HOXD11: variants seen among roughly 807,000 people sequenced by gnomAD.
HOXD11 encodes homeobox protein Hox-D11.
HOXD11 carries 16 observed loss-of-function variants against 23.1 expected under a neutral mutation model. The observed-to-expected ratio is 0.69, with a 90% confidence interval of 0.47 to 1.05. The LOEUF (loss-of-function observed/expected upper bound fraction) is 1.05, where lower values mean the gene tolerates loss of function less well. HOXD11 is among the 50% of genes least tolerant of loss of function. HOXD11 has a pLI of 0.00. For synonymous variants in HOXD11, 262 were observed against 224.4 expected, an observed-to-expected ratio of 1.17 and a Z score of -1.50; for missense variants, 564 against 495.6, an observed-to-expected ratio of 1.14 and a Z score of -1.31.
Position 176,108,054 on chromosome 2 carries a change from GC to G in HOXD11, c.702del (p.Lys235ArgfsTer57). On this transcript the variant is annotated frameshift_variant, in exon 1 of 2. Coordinates refer to ENST00000249504, the MANE Select transcript of HOXD11 (RefSeq NM_021192.3). LOFTEE classifies it high-confidence loss of function. ...GCACCAAGGCGACCCCTGGCTCGGAGCCCAAGGGGGCAGCAGAAGGCAGCGG... is the reference window on the plus strand; with the variant it reads ...GCACCAAGGCGACCCCTGGCTCGGAGCCAAGGGGGCAGCAGAAGGCAGCGG... The part of the protein sequence containing the change: ...PCTKATPGSE[P>X]KGAAEGSGGD... The G allele has an allele frequency of 6.7e-7, 1 of 1,489,052 alleles. No individual in the cohort carries two copies. The highest frequency in any genetic ancestry group is 8.9e-7 in the Non-Finnish European group (1 of 1,125,670). The allele number at this position is 1,489,052 out of a possible 1,614,324, so 92.2% of individuals were successfully genotyped here.
downstream of HOXD11, among the ~76,000 whole-genome samples, chr2:176,113,312 A>G (rs1689702539): frequency 6.6e-6 from 1 of 152,240 alleles, no homozygotes; most frequent in Non-Finnish European, 1.5e-5. Context: ...CCAGGAGACA[A>G]GAGTGCAGAT....
At position 176,108,977 on chromosome 2, in the gene HOXD11, GT is replaced by G; in HGVS notation, c.857del (p.Phe286SerfsTer6). 1 of 1,614,130 alleles carries G rather than the reference GT, an allele frequency of 6.2e-7. No individual in the cohort carries two copies. The highest frequency in any genetic ancestry group is 8.5e-7 in the Non-Finnish European group (1 of 1,180,012). ...ACCAGATCCGCGAACTGGAACGCGA[GT>G]TTTTCTTTAACGTGTACATAAACAA... is the stretch of plus-strand genomic sequence containing the variant. ...KYQIRELERE[F>X]FFNVYINKEK... On this transcript the variant is annotated frameshift_variant, in exon 2 of 2. Transcript: ENST00000249504. LOFTEE classifies it high-confidence loss of function.
chr2:176,110,937 C>T (rs901087396), downstream of HOXD11, among the ~76,000 whole-genome samples: 1 of 152,152 alleles, frequency 6.6e-6, no homozygotes, highest in Non-Finnish European at 1.5e-5. Flanking sequence ...AGAATTCTGG[C>T]GGGGGGTCTT....
At chr2:176,114,351 C>T (rs1417805274), downstream of HOXD11, among the ~76,000 whole-genome samples, 1 of 152,122 alleles carries the variant, frequency 6.6e-6, no homozygotes, top group Non-Finnish European at 1.5e-5. Context: ...TCCGGCCATC[C>T]TCAACCCCCA....
intron 1 of HOXD11, 181 bp from the exon 2 acceptor site, chr2:176,108,726 C>T (rs1240375451): frequency 1.0e-5 from 6 of 600,130 alleles, no homozygotes; most frequent in South Asian, 2.0e-5. Context: ...TCCACGCCCG[C>T]ACTCTCTCCT....
rs1162827332 is a variant in HOXD11, at chr2:176,107,560, G to C, written c.205G>C (p.Glu69Gln). ...REVAFRDYGL[E>Q]RAKWPYRGGG... ...AGTGGCCTTCCGCGACTACGGCCTG[G>C]AGCGCGCCAAGTGGCCGTACCGCGG... The change falls in exon 1 of 2, where the codon GAG becomes CAG. Residue 69 changes from glutamate (E) to glutamine (Q), a missense_variant. Coordinates refer to ENST00000249504, the MANE Select transcript of HOXD11 (RefSeq NM_021192.3). The C allele has an allele frequency of 3.1e-6, 5 of 1,591,922 alleles. No homozygotes were observed. The highest frequency in any genetic ancestry group is 4.3e-6 in the Non-Finnish European group (5 of 1,169,830).
downstream of HOXD11, among the ~76,000 whole-genome samples, chr2:176,114,530 C>CAAT (rs748328462): frequency 1.8e-3 from 278 of 152,094 alleles, 4 homozygotes; most frequent in East Asian, 9.7e-4. Flanking sequence ...ATTGCCACCG[C>CAAT]GGAGTTTTTT....
chr2:176,108,659 CTGTGTG>C (rs56323681), intron 1 of HOXD11: 4,098 of 325,900 alleles, frequency 0.013, 55 homozygotes, highest in African/African-American at 0.044. Flanking sequence ...GTGCCAGGCT[CTGTGTG>C]TGTGTGTGTG....
downstream of HOXD11, among the ~76,000 whole-genome samples, chr2:176,114,132 T>C (rs1304509472): frequency 6.6e-6 from 1 of 152,240 alleles, no homozygotes; most frequent in Admixed American, 6.5e-5. Context: ...CACTCGATAC[T>C]GCTGGAGCGC....
intron 1 of HOXD11, among the ~76,000 whole-genome samples, chr2:176,108,366 C>G (rs1574949565): frequency 6.6e-6 from 1 of 151,916 alleles, no homozygotes; most frequent in Non-Finnish European, 1.5e-5. Context: ...CTGTCGAGAG[C>G]CTTTTCCCAG....
At chr2:176,112,020 C>T (rs1345117768), downstream of HOXD11, among the ~76,000 whole-genome samples, 1 of 152,108 alleles carries the variant, frequency 6.6e-6, no homozygotes, top group Non-Finnish European at 1.5e-5. Flanking sequence ...GAGTGCGCGG[C>T]TACCAGTGGC....
chr2:176,114,981 G>A, the HOXD11 span, among the ~76,000 whole-genome samples: 1 of 152,272 alleles, frequency 6.6e-6, no homozygotes, highest in Admixed American at 6.5e-5. Flanking sequence ...GCCCTGGCCG[G>A]CCCCTCACTC....
Position 176,107,452 on chromosome 2 carries a change from T to C in HOXD11, c.97T>C (p.Ser33Pro). The change falls in exon 1 of 2, where the codon TCG becomes CCG. Residue 33 changes from serine to proline, a missense_variant. Physicochemically the swap from Ser to Pro is moderately conservative, Grantham distance 74. Coordinates refer to ENST00000249504, the MANE Select transcript of HOXD11 (RefSeq NM_021192.3). Reference protein sequence around the residue: ...VAPSDFASKPSFLSQPSSCQM... With the variant: ...VAPSDFASKPPFLSQPSSCQM... The stretch of plus-strand genomic sequence containing the variant: ...CCCGTCTGACTTCGCTAGCAAGCCT[T>C]CGTTCCTTTCCCAACCGTCGTCCTG... 6.2e-7 allele frequency: 1 copy of C among 1,613,992 alleles called. No individual in the cohort carries two copies. The highest frequency in any genetic ancestry group is 8.5e-7 in the Non-Finnish European group (1 of 1,179,940).
At chr2:176,112,715 G>C (rs898578679), downstream of HOXD11, among the ~76,000 whole-genome samples, 3 of 152,238 alleles carry the variant, frequency 2.0e-5, no homozygotes, top group Admixed American at 1.3e-4. Context: ...CCTAAATGTC[G>C]TTGTCCTCTC....
chr2:176,115,083 G>A, the HOXD11 span, among the ~76,000 whole-genome samples: 1 of 152,282 alleles, frequency 6.6e-6, no homozygotes, highest in Non-Finnish European at 1.5e-5. Context: ...TGCAGCAAGA[G>A]AGGGAGGGAG....
In HOXD11 at chr2:176,109,281, T is replaced by A; in HGVS notation, c.*139T>A. ...TTCACGATTCCTTCCCACGGTCAAC[T>A]CGGGACCTCCCAGCGACCACTGCAG... On this transcript the variant is annotated 3_prime_UTR_variant, in exon 2 of 2. Coordinates refer to ENST00000249504, the MANE Select transcript of HOXD11 (RefSeq NM_021192.3). The A allele has an allele frequency of 3.1e-6, 2 of 647,936 alleles. No individual in the cohort carries two copies. The highest frequency in any genetic ancestry group is 5.5e-6 in the Non-Finnish European group (2 of 365,910). The allele number at this position is 647,936 out of a possible 1,614,324, so 40.1% of individuals were successfully genotyped here. A position where few individuals can be genotyped will look rare whatever the true frequency, so the allele number is the denominator to read the frequency against.
Sources: allele counts gnomAD v4.1 joint callset (sites outside exome capture counted in the v4.1 genomes callset), GRCh38; gene constraint gnomAD v4.1.1; transcripts MANE v1.5; gene names NCBI Gene and HGNC (gene_info 2026-07-23, HGNC 2026-07-21).